MME: variants seen among roughly 807,000 people sequenced by gnomAD.
MME encodes the protein membrane metalloendopeptidase, also known as neprilysin.
In MME, 98 loss-of-function variants were observed where a neutral mutation model predicts 113.2. The observed-to-expected ratio is 0.87, with a 90% CI of 0.74 to 1.02. MME has a LOEUF of 1.02. Ranked by LOEUF, MME falls within the 50% of genes least tolerant of loss-of-function variation. The pLI is 0.00. For missense variants in MME, 836 were observed against 896.0 expected (o/e 0.93, Z 0.86); for synonymous variants, 292 against 300.6 (o/e 0.97, Z 0.30).
chr3:155,155,276 C>T lies in MME; in HGVS notation c.1602-5114C>T, dbSNP rs529774313. Among the ~76,000 whole-genome samples, 7 of 152,258 alleles carry T rather than the reference C, an allele frequency of 4.6e-5. No homozygotes were observed. In the East Asian group the frequency reaches 1.2e-3, roughly 25 times the overall value. On this transcript the variant is annotated intron_variant, in intron 16 of 22. Coordinates refer to ENST00000360490, the MANE Select transcript of MME (RefSeq NM_007289.4). ...TAAAAACAAAACGAAACAAAAATAT[C>T]ATCTTCAAACAACACAATTAAAAGG...
At chr3:155,075,715 G>T (rs1402096761), upstream of MME, among the ~76,000 whole-genome samples, 3 of 151,884 alleles carry the variant, frequency 2.0e-5, no homozygotes, top group Non-Finnish European at 4.4e-5. Context: ...TTTAGCCAGG[G>T]TCTCACTATG....
chr3:155,135,294 T>C (rs1720535311), intron 8 of MME, among the ~76,000 whole-genome samples: 1 of 152,188 alleles, frequency 6.6e-6, no homozygotes, highest in Non-Finnish European at 1.5e-5. Context: ...CTTTAATCCA[T>C]CTTGAGGTAA....
intron 1 of MME, among the ~76,000 whole-genome samples, chr3:155,051,948 T>A (rs1319791636): frequency 6.6e-6 from 1 of 152,196 alleles, no homozygotes; most frequent in Non-Finnish European, 1.5e-5. Context: ...GATACAATGA[T>A]GGTTCAGGCA....
intron 1 of MME, chr3:155,083,661 T>A (rs1715377889): frequency 1.2e-5 from 2 of 160,392 alleles, no homozygotes; most frequent in Non-Finnish European, 2.7e-5. Context: ...TTGCTGTTTA[T>A]CTATATTAAT....
chr3:155,128,330 C>T (rs1231285247), intron 8 of MME, among the ~76,000 whole-genome samples: 2 of 152,166 alleles, frequency 1.3e-5, no homozygotes, highest in African/African-American at 4.8e-5. Flanking sequence ...CCTGCAATCC[C>T]TCAGTTTCCC....
Position 155,073,215 on chromosome 3 carries a change from A to G in MME, c.-10-10943A>G, listed in dbSNP as rs549042085. Among the ~76,000 whole-genome samples, 88 of 152,214 alleles carry G rather than the reference A, an allele frequency of 5.8e-4. 1 individual carries two copies. The South Asian group carries it at 0.017, about 29-fold the overall frequency. On this transcript the variant is annotated intron_variant, in intron 1 of 22. Transcript: ENST00000492661. ...AACTACAACCAGTCAGCTAAATCCA[A>G]TAGAGGTCAGTGGCCCATTTCCGAG...
At chr3:155,107,470 A>G (rs10513468) in intron 3 of MME, among the ~76,000 whole-genome samples, 25,502 of 152,158 alleles carry the variant, frequency 0.17, 2,831 homozygotes, top group Non-Finnish European at 0.25. Flanking sequence ...TGGCTAATTT[A>G]TAGTGACCAA....
chr3:155,109,898 T>C (rs1718042586), intron 3 of MME, among the ~76,000 whole-genome samples: 1 of 152,216 alleles, frequency 6.6e-6, no homozygotes, highest in African/African-American at 2.4e-5. Flanking sequence ...ACATGGCCAC[T>C]TCAAAAAGAT....
At chr3:155,042,996 T>C (rs1477807238) in intron 1 of MME, among the ~76,000 whole-genome samples, 2 of 141,350 alleles carry the variant, frequency 1.4e-5, no homozygotes, top group African/African-American at 5.1e-5. Context: ...CATTTGTAGG[T>C]TATGAACACT....
Position 155,180,802 on chromosome 3 carries a change from T to C in MME, c.*343T>C. ...AACCTTTGAGGTAGACCAGGATTTCTAATCAAAAGGGAAAAGAAGATGTTG... is the reference window on the plus strand; with the variant it reads ...AACCTTTGAGGTAGACCAGGATTTCCAATCAAAAGGGAAAAGAAGATGTTG... On this transcript the variant is annotated 3_prime_UTR_variant, in exon 23 of 23. Coordinates refer to ENST00000360490, the MANE Select transcript of MME (RefSeq NM_007289.4). The C allele has an allele frequency of 3.7e-6, 1 of 272,380 alleles. No homozygotes were observed. The highest frequency in any genetic ancestry group is 7.2e-6 in the Non-Finnish European group (1 of 138,894). The allele number at this position is 272,380 out of a possible 1,614,324, so 16.9% of individuals were successfully genotyped here. A position where few individuals can be genotyped will look rare whatever the true frequency, so the allele number is the denominator to read the frequency against.
At chr3:155,161,447 C>A (rs115703205) in intron 17 of MME, among the ~76,000 whole-genome samples, 1 of 151,958 alleles carries the variant, frequency 6.6e-6, no homozygotes, top group African/African-American at 2.4e-5. Context: ...TTATTGAATT[C>A]TATTACCAAT....
chr3:155,109,144 T>C (rs1431650027), intron 3 of MME, among the ~76,000 whole-genome samples: 1 of 152,158 alleles, frequency 6.6e-6, no homozygotes, highest in Non-Finnish European at 1.5e-5. Context: ...TATAGTATAG[T>C]TTTTGCTATT....
At chr3:155,134,013 T>G (rs1720419596) in intron 8 of MME, among the ~76,000 whole-genome samples, 1 of 151,834 alleles carries the variant, frequency 6.6e-6, no homozygotes, top group Non-Finnish European at 1.5e-5. Context: ...ACATACTCGT[T>G]TACTTCAAAG....
chr3:155,139,851 G>A (rs1279821959), intron 9 of MME, among the ~76,000 whole-genome samples: 1 of 152,128 alleles, frequency 6.6e-6, no homozygotes, highest in Non-Finnish European at 1.5e-5. Flanking sequence ...CTATATCAAA[G>A]AAAGTTAAAA....
intron 1 of MME, among the ~76,000 whole-genome samples, chr3:155,042,958 A>ATATATC (rs1366557149): frequency 7.7e-6 from 1 of 130,064 alleles, no homozygotes; most frequent in South Asian, 2.4e-4. Flanking sequence ...ATATATATAT[A>ATATATC]TCACATTTGT....
At chr3:155,053,485 C>G (rs76003088) in intron 1 of MME, among the ~76,000 whole-genome samples, 6,651 of 152,240 alleles carry the variant, frequency 0.044, 160 homozygotes, top group African/African-American at 0.052. Flanking sequence ...ACCATCAGAT[C>G]TCTTGAGTAC....
chr3:155,145,442 C>T (rs1199087702), intron 14 of MME, among the ~76,000 whole-genome samples: 3 of 151,994 alleles, frequency 2.0e-5, no homozygotes, highest in South Asian at 2.1e-4. Flanking sequence ...TATTATCATA[C>T]GTGGGAGTTA....
upstream of MME, among the ~76,000 whole-genome samples, chr3:155,077,090 C>T (rs1164703107): frequency 1.3e-5 from 2 of 152,174 alleles, no homozygotes; most frequent in Non-Finnish European, 2.9e-5. Flanking sequence ...AGGTCTCAGC[C>T]TTATTTTACC....
At chr3:155,175,715 C>T (rs1344449340) in intron 22 of MME, among the ~76,000 whole-genome samples, 1 of 152,054 alleles carries the variant, frequency 6.6e-6, no homozygotes, top group African/African-American at 2.4e-5. Flanking sequence ...AAATGTTTCT[C>T]ACAGCTTAAT....
Sources: allele counts gnomAD v4.1 joint callset (sites outside exome capture counted in the v4.1 genomes callset), GRCh38; gene constraint gnomAD v4.1.1; transcripts MANE v1.5; gene names NCBI Gene and HGNC (gene_info 2026-07-23, HGNC 2026-07-21).